NEFH: variants seen among roughly 807,000 people sequenced by gnomAD.
The protein encoded by NEFH is neurofilament heavy polypeptide.
A neutral mutation model predicts 56.6 loss-of-function variants in NEFH; 58 were observed. The ratio of observed to expected loss-of-function variants is 1.03; its 90% confidence interval spans 0.83 to 1.28. The LOEUF is 1.28. Ranked by LOEUF, NEFH falls within the 50% of genes most tolerant of loss-of-function variation. The pLI is 0.00. For synonymous variants in NEFH, 542 were observed against 545.8 expected (o/e 0.99, Z 0.10); for missense variants, 1,221 against 1,307.6 (o/e 0.93, Z 1.02).
intron 2 of NEFH, among the ~76,000 whole-genome samples, chr22:29,484,693 G>T (rs750732111): frequency 4.6e-5 from 7 of 152,126 alleles, no homozygotes; most frequent in Non-Finnish European, 8.8e-5. Flanking sequence ...GCTGGGTATG[G>T]TTGTGTGTGC....
Position 29,489,644 on chromosome 22 carries a change from C to G in NEFH, c.2004C>G (p.Ser668=), listed in dbSNP as rs749252038. 1 of 1,609,460 alleles carries G rather than the reference C, an allele frequency of 6.2e-7. No individual in the cohort carries two copies. Residue 668 remains serine (S), a synonymous_variant, in exon 4 of 4, where the codon TCC becomes TCG. Transcript: ENST00000310624. ...EEAKSPEKAK[S]PVKAEAKSPE... Reference sequence around the variant, plus strand: ...CCAAGTCCCCTGAGAAGGCCAAGTCCCCAGTGAAGGCAGAAGCAAAGTCCC... The same window carrying G: ...CCAAGTCCCCTGAGAAGGCCAAGTCGCCAGTGAAGGCAGAAGCAAAGTCCC...
In NEFH at chr22:29,480,425, G is replaced by A; in HGVS notation, c.163G>A (p.Val55Met). 2 of 1,532,228 alleles carry A rather than the reference G, an allele frequency of 1.3e-6. No homozygotes were observed. Among genetic ancestry groups the A allele is most frequent in the Non-Finnish European group, 1.7e-6 (2 of 1,145,940 alleles). The allele number at this position is 1,532,228 out of a possible 1,614,324, so 94.9% of individuals were successfully genotyped here. A position where few individuals can be genotyped will look rare whatever the true frequency, so the allele number is the denominator to read the frequency against. Residue 55 changes from valine to methionine, a missense_variant, in exon 1 of 4, where the codon GTG becomes ATG. Around this residue, in one of 4 missense-constraint regions of NEFH, gnomAD observed 640 missense variants for 555.5 expected, o/e 1.15. Coordinates refer to ENST00000310624, the MANE Select transcript of NEFH (RefSeq NM_021076.4). ...CTTCCACTCGTGGACACGGACGTCC[G>A]TGAGCTCCGTGTCCGCCTCGCCCAG... ...SGFHSWTRTS[V>M]SSVSASPSRF...
intron 2 of NEFH, among the ~76,000 whole-genome samples, chr22:29,483,778 A>AT: frequency 6.6e-6 from 1 of 151,840 alleles, no homozygotes; most frequent in East Asian, 1.9e-4. Context: ...GAAAAAAAAA[A>AT]AAAAAAAAAA....
chr22:29,480,947 T>C lies in NEFH; in HGVS notation c.685T>C (p.Tyr229His). The change falls in exon 1 of 4, where the codon TAC becomes CAC. Residue 229 changes from tyrosine to histidine, a missense_variant. By Grantham distance (83) the Tyr-to-His change is moderately conservative (BLOSUM62 2). Transcript: ENST00000310624. ...GCAGGCGCTGCAGGAGGAGTGCGGC[T>C]ACCTGCGGCGCCACCACCAGGAAGA... ...KAQALQEECG[Y>H]LRRHHQEEVG... 1.3e-6 allele frequency: 2 copies of C among 1,530,024 alleles called. No homozygotes were observed. The highest frequency in any genetic ancestry group is 1.7e-6 in the Non-Finnish European group (2 of 1,144,998). The allele number at this position is 1,530,024 out of a possible 1,614,324, so 94.8% of individuals were successfully genotyped here. A position where few individuals can be genotyped will look rare whatever the true frequency, so the allele number is the denominator to read the frequency against.
chr22:29,484,512 C>T (rs1355881568), intron 2 of NEFH, among the ~76,000 whole-genome samples: 6 of 151,994 alleles, frequency 3.9e-5, no homozygotes, highest in East Asian at 1.9e-4. Flanking sequence ...CATGGTGGTG[C>T]GTGCCTGTAA....
chr22:29,484,702 G>A (rs1450728171), intron 2 of NEFH, among the ~76,000 whole-genome samples: 3 of 152,122 alleles, frequency 2.0e-5, no homozygotes, highest in Non-Finnish European at 4.4e-5. Flanking sequence ...GGTTGTGTGT[G>A]CCTACAGTCC....
rs909410428 is a variant in NEFH at position 29,480,476 on chromosome 22, T to G, written c.214T>G (p.Ser72Ala). Residue 72 changes from serine to alanine, a missense_variant, in exon 1 of 4, where the codon TCA (serine) becomes GCA (alanine). Transcript: ENST00000310624. ...PSRFRGAGAA[S>A]STDSLDTLSN... is the part of the protein sequence containing the mutation. ...CCGCTTCCGTGGCGCAGGCGCCGCC[T>G]CAAGCACCGACTCGCTGGACACGCT... 1.3e-6 allele frequency: 2 copies of G among 1,533,032 alleles called. No homozygotes were observed. Among genetic ancestry groups the G allele is most frequent in the Non-Finnish European group, 1.7e-6 (2 of 1,146,286 alleles). 95.0% of individuals were successfully genotyped at this position (1,533,032 alleles called of 1,614,324 possible).
chr22:29,480,296 G>A lies in NEFH; in HGVS notation c.34G>A (p.Gly12Ser). 6.6e-7 allele frequency: 1 copy of A among 1,507,884 alleles called. No homozygotes were observed. The highest frequency in any genetic ancestry group is 8.8e-7 in the Non-Finnish European group (1 of 1,137,820). 93.4% of individuals were successfully genotyped at this position (1,507,884 alleles called of 1,614,324 possible). A position where few individuals can be genotyped will look rare whatever the true frequency, so the allele number is the denominator to read the frequency against. Residue 12 changes from glycine to serine, a missense_variant, in exon 1 of 4, where the codon GGC (glycine) becomes AGC (serine). Physicochemically the swap from Gly to Ser is moderately conservative, Grantham distance 56. Transcript: ENST00000310624. Reference protein sequence around the residue: ...MSFGGADALLGAPFAPLHGGG... With the variant: ...MSFGGADALLSAPFAPLHGGG... ...CTTCGGCGGCGCGGACGCGCTGCTG[G>A]GCGCCCCGTTCGCGCCGCTGCATGG... is the stretch of plus-strand genomic sequence containing the variant.
chr22:29,485,742 A>T lies in NEFH; in HGVS notation c.1103A>T (p.Asp368Val), dbSNP rs746775470. The T allele has an allele frequency of 6.2e-7, 1 of 1,614,148 alleles. No individual in the cohort carries two copies. The highest frequency in any genetic ancestry group is 1.1e-5 in the South Asian group (1 of 91,072). ...ASYQEAIQQLDAELRNTKWEM... is the reference protein window; with the variant it reads ...ASYQEAIQQLVAELRNTKWEM... ...TCCCAGGAAGCCATTCAGCAGCTGG[A>T]CGCTGAGCTGAGGAACACCAAGTGG... The change falls in exon 3 of 4, where the codon GAC becomes GTC. Residue 368 changes from aspartate to valine, a missense_variant. Physicochemically the swap from Asp to Val is radical, Grantham distance 152. Transcript: ENST00000310624.
chr22:29,487,723 C>G (rs1222869607), intron 3 of NEFH, among the ~76,000 whole-genome samples: 3 of 152,222 alleles, frequency 2.0e-5, no homozygotes, highest in Admixed American at 1.3e-4. Context: ...GATAAGATCC[C>G]CGGTCATCTG....
At chr22:29,485,946 C>T in intron 3 of NEFH, 99 bp downstream of exon 3, 4 of 1,311,244 alleles carry the variant, frequency 3.1e-6, no homozygotes, top group Non-Finnish European at 4.4e-6. Context: ...GCCTACCTGT[C>T]TTAGGGACAA....
At chr22:29,482,346 G>C (rs950327355) in intron 1 of NEFH, among the ~76,000 whole-genome samples, 2 of 152,310 alleles carry the variant, frequency 1.3e-5, no homozygotes, top group South Asian at 4.1e-4. Context: ...CTTGTGCCCT[G>C]AGTGCCACTA....
intron 3 of NEFH, among the ~76,000 whole-genome samples, chr22:29,487,346 C>T (rs1009628601): frequency 1.3e-5 from 2 of 151,980 alleles, no homozygotes; most frequent in Non-Finnish European, 2.9e-5. Flanking sequence ...AAGATAGTCT[C>T]TTGGTTGGGT....
intron 1 of NEFH, among the ~76,000 whole-genome samples, chr22:29,481,576 A>G (rs165865): frequency 0.92 from 139,348 of 152,196 alleles, 64,055 homozygotes; most frequent in African/African-American, 0.96. Flanking sequence ...GCCCTCTCCT[A>G]CACCCCGCAA....
intron 3 of NEFH, 147 bp downstream of exon 3, chr22:29,485,994 C>A: frequency 1.3e-6 from 1 of 780,696 alleles, no homozygotes; most frequent in East Asian, 2.6e-5. Flanking sequence ...ACAAAACATA[C>A]AATTTACCAT....
chr22:29,481,216 C>A, intron 1 of NEFH, 71 bp downstream of exon 1: 1 of 1,448,934 alleles, frequency 6.9e-7, no homozygotes, highest in Non-Finnish European at 9.3e-7. Context: ...GCTGCGTGAC[C>A]CAAGGGGGCG....
In NEFH at chr22:29,491,052, G is replaced by A. The variant is rs2063078873; in HGVS notation, c.*349G>A. On this transcript the variant is annotated 3_prime_UTR_variant, in exon 4 of 4. Coordinates refer to ENST00000310624, the MANE Select transcript of NEFH (RefSeq NM_021076.4). Reference sequence around the variant, plus strand: ...TTGCCTCTATGTGCAACTGACAGATGACCGCAATAATGAATGAGCAGTTAG... The same window carrying A: ...TTGCCTCTATGTGCAACTGACAGATAACCGCAATAATGAATGAGCAGTTAG... 2.0e-5 allele frequency: 8 copies of A among 399,478 alleles called. No homozygotes were observed. The highest frequency in any genetic ancestry group is 1.5e-4 in the South Asian group (7 of 46,738). The allele number at this position is 399,478 out of a possible 1,614,324, so 24.7% of individuals were successfully genotyped here. A position where few individuals can be genotyped will look rare whatever the true frequency, so the allele number is the denominator to read the frequency against.
chr22:29,480,967 G>A lies in NEFH; in HGVS notation c.705G>A (p.Gln235=), dbSNP rs1287924484. 5 of 1,531,586 alleles carry A rather than the reference G, an allele frequency of 3.3e-6. No individual in the cohort carries two copies. Among genetic ancestry groups the A allele is most frequent in the South Asian group, 2.4e-5 (2 of 83,824 alleles). The allele number at this position is 1,531,586 out of a possible 1,614,324, so 94.9% of individuals were successfully genotyped here. Residue 235 remains glutamine (Q), a synonymous_variant, in exon 1 of 4, where the codon CAG becomes CAA. Coordinates refer to ENST00000310624, the MANE Select transcript of NEFH (RefSeq NM_021076.4). ...EECGYLRRHH[Q]EEVGELLGQI... ...GCGGCTACCTGCGGCGCCACCACCAGGAAGAGGTGGGCGAGCTGCTCGGCC... is the reference window on the plus strand; with the variant it reads ...GCGGCTACCTGCGGCGCCACCACCAAGAAGAGGTGGGCGAGCTGCTCGGCC...
chr22:29,480,607 G>T lies in NEFH; in HGVS notation c.345G>T (p.Val115=). ...NDRFAGYIDK[V]RQLEAHNRSL... ...GCTTCGCCGGGTACATCGACAAGGT[G>T]CGGCAGCTGGAGGCGCACAACCGCA... The change falls in exon 1 of 4, where the codon GTG becomes GTT. Residue 115 remains valine (V), a synonymous_variant. Transcript: ENST00000310624. 3 of 1,563,802 alleles carry T rather than the reference G, an allele frequency of 1.9e-6. No homozygotes were observed. Among genetic ancestry groups the T allele is most frequent in the Non-Finnish European group, 2.6e-6 (3 of 1,164,178 alleles).
Sources: gnomAD v4.1 joint callset for allele counts (sites outside exome capture counted in the v4.1 genomes callset) on GRCh38, gnomAD v4.1.1 for gene constraint, gnomAD v4.1.1 regional missense constraint, MANE v1.5 for transcripts, NCBI Gene and HGNC (gene_info 2026-07-23, HGNC 2026-07-21) for gene names.